Variants in TXNDC12 observed in about 807,000 individuals in gnomAD.
The protein encoded by TXNDC12 is thioredoxin domain containing 12.
TXNDC12 carries 22 observed loss-of-function variants against 24.2 expected under a neutral mutation model. That is an observed-to-expected ratio of 0.91 (90% CI 0.65 to 1.30). The LOEUF is 1.30. Ranked by LOEUF, TXNDC12 falls within the 50% of genes most tolerant of loss-of-function variation. The probability of loss-of-function intolerance (pLI) is 0.00; values close to 1 mark genes in which losing one functional copy is unlikely to be tolerated. For missense variants in TXNDC12, 184 were observed against 205.8 expected (o/e 0.89, Z 0.65); for synonymous variants, 58 against 73.4 (o/e 0.79, Z 1.07).
At chr1:52,026,343 C>A (rs1571998290) in intron 4 of TXNDC12, among the ~76,000 whole-genome samples, 1 of 152,214 alleles carries the variant, frequency 6.6e-6, no homozygotes, top group East Asian at 1.9e-4. Context: ...GTACCAATAG[C>A]CTAAAAATCC....
rs1261596582 is a variant in TXNDC12, at chr1:52,034,800, GT to G, written c.159-6171del. On this transcript the variant is annotated intron_variant, in intron 2 of 6. Transcript: ENST00000371626. ...ATTTTTTGAGATGGAGCCTCGCTCTGTCACCCAGCCTGGACCACAGTGGTAT... is the reference window on the plus strand; with the variant it reads ...ATTTTTTGAGATGGAGCCTCGCTCTGCACCCAGCCTGGACCACAGTGGTAT... Among the ~76,000 whole-genome samples the G allele has an allele frequency of 6.6e-5, 10 of 152,022 alleles. No homozygotes were observed. The East Asian group carries it at 1.9e-3, about 29-fold the overall frequency.
intron 4 of TXNDC12, 36 bp from the exon 5 acceptor site, chr1:52,024,615 C>T (rs766148042): frequency 7.9e-6 from 12 of 1,519,578 alleles, no homozygotes; most frequent in African/African-American, 4.1e-5. Context: ...AGTCAGATAA[C>T]GTCCTCTCTC....
intron 2 of TXNDC12, chr1:52,032,723 G>T (rs755826057): frequency 1.7e-5 from 27 of 1,611,798 alleles, no homozygotes; most frequent in Non-Finnish European, 8.5e-7. Flanking sequence ...CTCAAATACT[G>T]AAGAAACATG....
upstream of TXNDC12, chr1:52,055,436 G>T (rs564807251): frequency 1.6e-4 from 43 of 269,154 alleles, no homozygotes; most frequent in Admixed American, 1.7e-3. Flanking sequence ...CGGGAGAACC[G>T]TTGCTCCTCG....
At chr1:52,037,516 T>C (rs770692151) in intron 2 of TXNDC12, among the ~76,000 whole-genome samples, 1 of 152,088 alleles carries the variant, frequency 6.6e-6, no homozygotes, top group African/African-American at 2.4e-5. Context: ...CAGCCGCAAA[T>C]AGACTTTTTA....
intron 2 of TXNDC12, among the ~76,000 whole-genome samples, chr1:52,038,540 G>A (rs992964914): frequency 2.0e-5 from 3 of 152,112 alleles, no homozygotes; most frequent in African/African-American, 4.8e-5. Flanking sequence ...ATAAACTCTT[G>A]ACCTCAAATG....
rs1024058281 is a variant in TXNDC12 at position 52,028,474 on chromosome 1, A to G, written c.211+104T>C. The stretch of plus-strand genomic sequence containing the variant: ...GTCATATGTTTCTTTAGTATTCCTT[A>G]AACAGTCAGTAGTGCTGGGCCAGAG... On this transcript the variant is annotated intron_variant, in intron 3 of 6. Transcript: ENST00000371626. 40 of 863,912 alleles carry G rather than the reference A, an allele frequency of 4.6e-5. No homozygotes were observed. In the African/African-American group the frequency reaches 5.9e-4, roughly 13 times the overall value. 53.5% of individuals were successfully genotyped at this position (863,912 alleles called of 1,614,324 possible).
intron 1 of TXNDC12, among the ~76,000 whole-genome samples, chr1:52,054,026 G>A (rs958727346): frequency 6.6e-6 from 1 of 152,146 alleles, no homozygotes; most frequent in African/African-American, 2.4e-5. Flanking sequence ...TATATCCCTA[G>A]TGCCTAGGAC....
Position 52,021,022 on chromosome 1 carries a change from A to G in TXNDC12, c.440-10T>C. On this transcript the variant is annotated splice_polypyrimidine_tract_variant and intron_variant, in intron 6 of 6. Coordinates refer to ENST00000371626, the MANE Select transcript of TXNDC12 (RefSeq NM_015913.4). ...TTCATCCCCTGAACAACTGTGAAAT[A>G]AAGATTGGAGGAAAAAAGTATGAAG... The G allele has an allele frequency of 6.2e-7, 1 of 1,607,998 alleles. No individual in the cohort carries two copies. Among genetic ancestry groups the G allele is most frequent in the East Asian group, 2.2e-5 (1 of 44,854 alleles).
chr1:52,027,730 G>A (rs1685691250), intron 3 of TXNDC12, among the ~76,000 whole-genome samples: 1 of 149,706 alleles, frequency 6.7e-6, no homozygotes. Flanking sequence ...ATGTATGTGT[G>A]TATATATGTT....
intron 1 of TXNDC12, among the ~76,000 whole-genome samples, chr1:52,049,978 A>T (rs1686169001): frequency 6.6e-6 from 1 of 152,176 alleles, no homozygotes; most frequent in African/African-American, 2.4e-5. Context: ...TGAGGTAGAA[A>T]CTCTAATTAT....
In TXNDC12 at chr1:52,023,497, C is replaced by T. The variant is rs763663263; in HGVS notation, c.433G>A (p.Glu145Lys). The change falls in exon 6 of 7, where the codon GAG becomes AAG. Residue 145 changes from glutamate (E) to lysine (K), a missense_variant. By Grantham distance (56) the Glu-to-Lys change is moderately conservative. Coordinates refer to ENST00000371626, the MANE Select transcript of TXNDC12 (RefSeq NM_015913.4). Reference sequence around the variant, plus strand: ...CCCTTCAGCATAACTATACCTTGCTCGGCACTGACATAAAAATACTTGTAG... The same window carrying T: ...CCCTTCAGCATAACTATACCTTGCTTGGCACTGACATAAAAATACTTGTAG... ...PSYKYFYVSA[E>K]QVVQGMKEAQ... 1.4e-5 allele frequency: 22 copies of T among 1,613,308 alleles called. No individual in the cohort carries two copies. Among genetic ancestry groups the T allele is most frequent in the African/African-American group, 2.7e-5 (2 of 74,916 alleles).
At chr1:52,043,904 C>T (rs1240436578) in intron 1 of TXNDC12, 3 of 152,222 alleles carry the variant, frequency 2.0e-5, no homozygotes. Context: ...CAGATGAGCA[C>T]ATGCAGGCAG....
rs142951976 is a variant in TXNDC12 at position 52,021,864 on chromosome 1, G to A, written c.440-852C>T. On this transcript the variant is annotated intron_variant, in intron 6 of 6. Transcript: ENST00000371626. ...TTGCCTATGCCTTTAGTAAAGCTGGGTTTGAATGTTCCAGTTTCATGTCAG... is the reference window on the plus strand; with the variant it reads ...TTGCCTATGCCTTTAGTAAAGCTGGATTTGAATGTTCCAGTTTCATGTCAG... 5.8e-3 allele frequency among the ~76,000 whole-genome samples: 881 copies of A among 152,308 alleles called. 5 individuals are homozygous for A. Among genetic ancestry groups the A allele is most frequent in the African/African-American group, 0.02 (838 of 41,554 alleles).
Position 52,021,032 on chromosome 1 carries a change from G to A in TXNDC12, c.440-20C>T. On this transcript the variant is annotated intron_variant, in intron 6 of 6. Transcript: ENST00000371626. ...GAACAACTGTGAAATAAAGATTGGA[G>A]GAAAAAAGTATGAAGTAAGTAATGT... is the stretch of plus-strand genomic sequence containing the variant. The A allele has an allele frequency of 1.3e-6, 2 of 1,585,476 alleles. No individual in the cohort carries two copies. The highest frequency in any genetic ancestry group is 1.3e-5 in the African/African-American group (1 of 74,300).
intron 2 of TXNDC12, chr1:52,032,462 C>G: frequency 7.7e-7 from 1 of 1,302,016 alleles, no homozygotes; most frequent in African/African-American, 1.5e-5. Context: ...TAGCTCTGTC[C>G]TCTGAGGGAT....
chr1:52,043,369 T>C (rs1188086646), intron 1 of TXNDC12, among the ~76,000 whole-genome samples: 1 of 152,214 alleles, frequency 6.6e-6, no homozygotes, highest in African/African-American at 2.4e-5. Flanking sequence ...CATAAAATAT[T>C]TGTTGAGCAA....
intron 1 of TXNDC12, among the ~76,000 whole-genome samples, chr1:52,045,185 C>T (rs1686069054): frequency 6.6e-6 from 1 of 152,152 alleles, no homozygotes; most frequent in Admixed American, 6.5e-5. Flanking sequence ...ATTCCAATTA[C>T]ATGACATTGG....
At chr1:52,053,522 G>C (rs1434641457) in intron 1 of TXNDC12, among the ~76,000 whole-genome samples, 1 of 152,042 alleles carries the variant, frequency 6.6e-6, no homozygotes, top group African/African-American at 2.4e-5. Context: ...AAATTAGCCA[G>C]ACGTGGTGGC....
Sources: allele counts gnomAD v4.1 joint callset (sites outside exome capture counted in the v4.1 genomes callset), GRCh38; gene constraint gnomAD v4.1.1; transcripts MANE v1.5; gene names NCBI Gene and HGNC (gene_info 2026-07-23, HGNC 2026-07-21).